Variants in TM4SF20 observed in about 807,000 individuals in gnomAD.
TM4SF20 encodes the protein transmembrane 4 L6 family member 20.
TM4SF20 carries 13 observed loss-of-function variants against 15.1 expected under a neutral mutation model. The observed-to-expected ratio is 0.86, with a 90% CI of 0.56 to 1.36. The LOEUF (loss-of-function observed/expected upper bound fraction) is 1.36. TM4SF20 is among the 40% of genes most tolerant of loss of function. The pLI is 0.00. For missense variants in TM4SF20, 282 were observed against 268.4 expected, an observed-to-expected ratio of 1.05 and a Z score of -0.35; for synonymous variants, 92 against 96.6, an observed-to-expected ratio of 0.95 and a Z score of 0.28.
intron 2 of TM4SF20, among the ~76,000 whole-genome samples, chr2:227,369,606 T>G (rs2076410800): frequency 6.6e-6 from 1 of 152,010 alleles, no homozygotes; most frequent in Non-Finnish European, 1.5e-5. Context: ...TTTTTGTATT[T>G]TTAGTAGAGA....
Position 227,375,919 on chromosome 2 carries a change from C to A in TM4SF20, c.183+3167G>T, listed in dbSNP as rs936581464. Among the ~76,000 whole-genome samples the A allele has an allele frequency of 2.0e-5, 3 of 152,152 alleles. No individual in the cohort carries two copies. The East Asian group carries it at 5.8e-4, about 29-fold the overall frequency. ...CACAACCTCATATAAAATAAAATGG[C>A]CTTTCTGTTTATATGTTTTCAAGGA... On this transcript the variant is annotated intron_variant, in intron 1 of 3. Coordinates refer to ENST00000304568, the MANE Select transcript of TM4SF20 (RefSeq NM_024795.4).
In TM4SF20 at chr2:227,363,772, G is replaced by T. The variant is rs749879270; in HGVS notation, c.642C>A (p.Phe214Leu). 1.9e-6 allele frequency: 3 copies of T among 1,614,000 alleles called. No homozygotes were observed. In the East Asian group the frequency reaches 6.7e-5, roughly 36 times the overall value. ...LFGLSQIVIG[F>L]LGCLCGVSKR... ...TAGAGACTCCACACAGACAGCCAAG[G>T]AAACCGATGACTATCTGACTGAGCC... Residue 214 changes from phenylalanine (F) to leucine (L), a missense_variant, in exon 4 of 4, where the codon TTC (phenylalanine) becomes TTA (leucine). By Grantham distance (22) the Phe-to-Leu change is conservative (BLOSUM62 0). Transcript: ENST00000304568.
chr2:227,363,650 A>G lies in TM4SF20; in HGVS notation c.*74T>C. 2 of 1,456,704 alleles carry G rather than the reference A, an allele frequency of 1.4e-6. No homozygotes were observed. Among genetic ancestry groups the G allele is most frequent in the South Asian group, 2.7e-5 (2 of 74,354 alleles). The allele number at this position is 1,456,704 out of a possible 1,614,324, so 90.2% of individuals were successfully genotyped here. On this transcript the variant is annotated 3_prime_UTR_variant, in exon 4 of 4. Coordinates refer to ENST00000304568, the MANE Select transcript of TM4SF20 (RefSeq NM_024795.4). The stretch of plus-strand genomic sequence containing the variant: ...AGGGTTGATTTTTTAAATCATCTCA[A>G]AGATGACTTTGAAAACAAGTGTACT...
rs544259063 is a variant in TM4SF20 at position 227,376,702 on chromosome 2, G to T, written c.183+2384C>A. On this transcript the variant is annotated intron_variant, in intron 1 of 3. Transcript: ENST00000304568. ...CTGTGACTCAGTTTCCTGGTCACTT[G>T]ACTTTATGGATTAATTTATAGATTA... Among the ~76,000 whole-genome samples, 7 of 152,320 alleles carry T rather than the reference G, an allele frequency of 4.6e-5. No individual in the cohort carries two copies. The South Asian group carries it at 6.2e-4, about 14-fold the overall frequency.
At chr2:227,381,445 AT>A (rs1348745415), upstream of TM4SF20, 2 of 151,808 alleles carry the variant, frequency 1.3e-5, no homozygotes, top group African/African-American at 4.8e-5. Flanking sequence ...AAAAAAATAT[AT>A]TTTTTATTTT....
chr2:227,375,040 C>T (rs933565660), intron 1 of TM4SF20, among the ~76,000 whole-genome samples: 2 of 151,868 alleles, frequency 1.3e-5, no homozygotes, highest in African/African-American at 4.8e-5. Flanking sequence ...GATTCTCCTG[C>T]CTCAGCCTCC....
At chr2:227,378,884 GCT>G (rs1379302478) in intron 1 of TM4SF20, among the ~76,000 whole-genome samples, 200 bp downstream of exon 1, 1 of 152,102 alleles carries the variant, frequency 6.6e-6, no homozygotes, top group Non-Finnish European at 1.5e-5. Context: ...TTTTTGCCCA[GCT>G]CTCTATCCTA....
chr2:227,370,168 A>T (rs1467485261), intron 2 of TM4SF20, among the ~76,000 whole-genome samples: 1 of 152,166 alleles, frequency 6.6e-6, no homozygotes, highest in African/African-American at 2.4e-5. Context: ...CTTTAATTTA[A>T]CTGGATAAAG....
chr2:227,375,323 G>T lies in TM4SF20; in HGVS notation c.183+3763C>A, dbSNP rs180974126. The stretch of plus-strand genomic sequence containing the variant: ...TGGGAGGATCACTTGATCCCAGGAG[G>T]TTGAGGATGCAGTGAGTTGTGCTCA... On this transcript the variant is annotated intron_variant, in intron 1 of 3. Transcript: ENST00000304568. Among the ~76,000 whole-genome samples, 6 of 152,168 alleles carry T rather than the reference G, an allele frequency of 3.9e-5. No homozygotes were observed. In the East Asian group the frequency reaches 1.2e-3, roughly 30 times the overall value.
chr2:227,367,642 C>T (rs2076399591), intron 2 of TM4SF20, among the ~76,000 whole-genome samples: 1 of 152,128 alleles, frequency 6.6e-6, no homozygotes, highest in Non-Finnish European at 1.5e-5. Flanking sequence ...ATGCAGCTCC[C>T]ACAGGGTCTG....
In TM4SF20 at chr2:227,363,660, T is replaced by C; in HGVS notation, c.*64A>G. ...TTTTAAATCATCTCAAAGATGACTT[T>C]GAAAACAAGTGTACTTCTCAAATTA... On this transcript the variant is annotated 3_prime_UTR_variant, in exon 4 of 4. Transcript: ENST00000304568. The C allele has an allele frequency of 6.7e-7, 1 of 1,500,392 alleles. No individual in the cohort carries two copies. Among genetic ancestry groups the C allele is most frequent in the Non-Finnish European group, 9.0e-7 (1 of 1,116,732 alleles). 92.9% of individuals were successfully genotyped at this position (1,500,392 alleles called of 1,614,324 possible). A position where few individuals can be genotyped will look rare whatever the true frequency, so the allele number is the denominator to read the frequency against.
chr2:227,369,908 C>T (rs1426907670), intron 2 of TM4SF20, among the ~76,000 whole-genome samples: 2 of 152,132 alleles, frequency 1.3e-5, no homozygotes, highest in African/African-American at 4.8e-5. Flanking sequence ...GATAAAAATC[C>T]ACTTACTAGT....
At chr2:227,380,243 T>A (rs1468841551), upstream of TM4SF20, among the ~76,000 whole-genome samples, 1 of 152,194 alleles carries the variant, frequency 6.6e-6, no homozygotes, top group African/African-American at 2.4e-5. Flanking sequence ...GGCCAGAGAA[T>A]CACTTGAACC....
chr2:227,368,019 A>ATTTT (rs1226126996), intron 2 of TM4SF20, among the ~76,000 whole-genome samples: 17 of 120,520 alleles, frequency 1.4e-4, no homozygotes, highest in African/African-American at 3.4e-4. Flanking sequence ...TTAACCATCT[A>ATTTT]TTTTTTTTTT....
At chr2:227,369,621 G>T (rs754852964) in intron 2 of TM4SF20, among the ~76,000 whole-genome samples, 2 of 151,932 alleles carry the variant, frequency 1.3e-5, no homozygotes, top group African/African-American at 4.8e-5. Context: ...TAGAGACGGG[G>T]TTTCACCATG....
upstream of TM4SF20, among the ~76,000 whole-genome samples, chr2:227,380,793 G>A (rs1214703932): frequency 6.6e-6 from 1 of 152,160 alleles, no homozygotes; most frequent in Non-Finnish European, 1.5e-5. Flanking sequence ...CAAAAGCTCA[G>A]GCGTAGTAGG....
Position 227,363,701 on chromosome 2 carries a change from A to G in TM4SF20, c.*23T>C. 2 of 1,588,048 alleles carry G rather than the reference A, an allele frequency of 1.3e-6. No individual in the cohort carries two copies. The highest frequency in any genetic ancestry group is 1.7e-6 in the Non-Finnish European group (2 of 1,167,130). On this transcript the variant is annotated 3_prime_UTR_variant, in exon 4 of 4. Transcript: ENST00000304568. ...TCTCAAATTAATTCAAACTACTGAT[A>G]CTTACATTTTATTCCCATTAAACTA...
At chr2:227,369,847 C>T (rs543146554) in intron 2 of TM4SF20, among the ~76,000 whole-genome samples, 1 of 152,298 alleles carries the variant, frequency 6.6e-6, no homozygotes, top group East Asian at 1.9e-4. Context: ...TGCTTAATAG[C>T]CATGTTCATG....
Position 227,379,258 on chromosome 2 carries a change from C to T in TM4SF20, c.11G>A (p.Cys4Tyr), listed in dbSNP as rs1424823463. Reference sequence around the variant, plus strand: ...TCCATTGCAGGATGTCCATCCTTCGCAGCAGGTCATGGTCACCCCTGGCTC... The same window carrying T: ...TCCATTGCAGGATGTCCATCCTTCGTAGCAGGTCATGGTCACCCCTGGCTC... MTC[C>Y]EGWTSCNGFS... Residue 4 changes from cysteine to tyrosine, a missense_variant, in exon 1 of 4, where the codon TGC becomes TAC. Coordinates refer to ENST00000304568, the MANE Select transcript of TM4SF20 (RefSeq NM_024795.4). The T allele has an allele frequency of 1.9e-6, 3 of 1,613,936 alleles. No individual in the cohort carries two copies. The highest frequency in any genetic ancestry group is 1.7e-5 in the Admixed American group (1 of 60,012).
Sources: allele counts gnomAD v4.1 joint callset (sites outside exome capture counted in the v4.1 genomes callset), GRCh38; gene constraint gnomAD v4.1.1; transcripts MANE v1.5; gene names NCBI Gene and HGNC (gene_info 2026-07-23, HGNC 2026-07-21).